CADPS2: variants seen among roughly 807,000 people sequenced by gnomAD.
The protein encoded by CADPS2 is calcium dependent secretion activator 2.
A neutral mutation model predicts 172.5 loss-of-function variants in CADPS2; 93 were observed. The observed-to-expected ratio is 0.54, with a 90% confidence interval of 0.46 to 0.64. The LOEUF is 0.64. Ranked by LOEUF, CADPS2 falls within the 30% of genes least tolerant of loss-of-function variation. The probability of loss-of-function intolerance (pLI) is 0.00; values close to 1 mark genes in which losing one functional copy is unlikely to be tolerated. For missense variants in CADPS2, 1,420 were observed against 1,565.9 expected, an observed-to-expected ratio of 0.91 and a Z score of 1.57; for synonymous variants, 546 against 555.2, an observed-to-expected ratio of 0.98 and a Z score of 0.23.
At chr7:122,410,739 G>A (rs776082518) in intron 19 of CADPS2, among the ~76,000 whole-genome samples, 3 of 152,008 alleles carry the variant, frequency 2.0e-5, no homozygotes, top group Non-Finnish European at 2.9e-5. Context: ...GTTGACTACC[G>A]CAATCAGTAA....
At chr7:122,327,345 C>T (rs1302787025) in intron 28 of CADPS2, among the ~76,000 whole-genome samples, 1 of 152,022 alleles carries the variant, frequency 6.6e-6, no homozygotes, top group African/African-American at 2.4e-5. Context: ...GCCCTTCTAC[C>T]ACACCACACT....
intron 2 of CADPS2, among the ~76,000 whole-genome samples, chr7:122,693,139 C>T (rs961450970): frequency 6.6e-6 from 1 of 152,192 alleles, no homozygotes; most frequent in Admixed American, 6.5e-5. Flanking sequence ...CTTCAAGTTT[C>T]TTAACCAAAA....
At chr7:122,762,013 A>AAAAT (rs1554406243) in intron 1 of CADPS2, among the ~76,000 whole-genome samples, 11 of 98,010 alleles carry the variant, frequency 1.1e-4, no homozygotes, top group African/African-American at 3.8e-4. Context: ...AAAAAAAAAA[A>AAAAT]ATATATATAT....
chr7:122,761,653 A>G (rs2093382600), intron 1 of CADPS2, among the ~76,000 whole-genome samples: 1 of 152,062 alleles, frequency 6.6e-6, no homozygotes, highest in African/African-American at 2.4e-5. Context: ...AAACAAGAAT[A>G]TGAAGCACTA....
At chr7:122,435,387 A>G (rs2050501145) in intron 17 of CADPS2, among the ~76,000 whole-genome samples, 1 of 152,314 alleles carries the variant, frequency 6.6e-6, no homozygotes, top group East Asian at 1.9e-4. Flanking sequence ...ATAAATGGCC[A>G]ACACATAAAT....
intron 7 of CADPS2, among the ~76,000 whole-genome samples, chr7:122,568,054 A>C (rs2066695657): frequency 6.6e-6 from 1 of 152,158 alleles, no homozygotes; most frequent in African/African-American, 2.4e-5. Flanking sequence ...AAGTGTAAAG[A>C]AACAAATAGA....
intron 12 of CADPS2, among the ~76,000 whole-genome samples, chr7:122,477,592 G>T (rs2056854030): frequency 6.8e-6 from 1 of 146,010 alleles, no homozygotes; most frequent in Non-Finnish European, 1.5e-5. Flanking sequence ...AAAGTGAAAT[G>T]TAAGGCAACA....
At position 122,522,882 on chromosome 7, in the gene CADPS2, T is replaced by C. The variant is rs116641208; in HGVS notation, c.1476-9567A>G. On this transcript the variant is annotated intron_variant, in intron 8 of 29. Transcript: ENST00000449022. ...ATATAATAACCTCCAGTTTCACCCA[T>C]GTGGCTGCAAACGACAGGATTTCAT... Among the ~76,000 whole-genome samples, 1,139 of 152,292 alleles carry C rather than the reference T, an allele frequency of 7.5e-3. 16 individuals are homozygous for C. Among genetic ancestry groups the C allele is most frequent in the African/African-American group, 0.026 (1,090 of 41,578 alleles).
At chr7:122,502,733 T>C (rs1265494310) in intron 9 of CADPS2, among the ~76,000 whole-genome samples, 1 of 152,170 alleles carries the variant, frequency 6.6e-6, no homozygotes, top group Admixed American at 6.5e-5. Flanking sequence ...CATATGCGTT[T>C]ATTTCATTAT....
chr7:122,843,250 T>C (rs1434712667), intron 1 of CADPS2, among the ~76,000 whole-genome samples: 1 of 152,136 alleles, frequency 6.6e-6, no homozygotes, highest in Non-Finnish European at 1.5e-5. Context: ...TTTTTTGGCT[T>C]TCCTAATGTA....
At chr7:122,508,014 A>G (rs2059734127) in intron 9 of CADPS2, among the ~76,000 whole-genome samples, 1 of 152,184 alleles carries the variant, frequency 6.6e-6, no homozygotes, top group Non-Finnish European at 1.5e-5. Context: ...TATAACAAAT[A>G]TTTACAGATT....
intron 8 of CADPS2, among the ~76,000 whole-genome samples, chr7:122,542,140 A>G (rs1194092581): frequency 6.6e-6 from 1 of 151,880 alleles, no homozygotes; most frequent in Non-Finnish European, 1.5e-5. Context: ...GAAATTGGTG[A>G]TTGTCATATT....
chr7:122,426,801 T>C (rs929928592), intron 17 of CADPS2, among the ~76,000 whole-genome samples: 3 of 152,218 alleles, frequency 2.0e-5, no homozygotes, highest in Admixed American at 2.0e-4. Context: ...ATTCAGTCTC[T>C]GGAGATTGAC....
At chr7:122,688,094 C>A (rs1019926596) in intron 2 of CADPS2, among the ~76,000 whole-genome samples, 1 of 152,188 alleles carries the variant, frequency 6.6e-6, no homozygotes, top group African/African-American at 2.4e-5. Flanking sequence ...GCGGCCCAAG[C>A]CAGAAAGCAG....
intron 2 of CADPS2, among the ~76,000 whole-genome samples, chr7:122,711,341 G>C (rs2088681905): frequency 6.6e-6 from 1 of 152,016 alleles, no homozygotes; most frequent in South Asian, 2.1e-4. Flanking sequence ...TGAATATATA[G>C]CTATATCTCT....
chr7:122,686,190 C>T (rs1359816161), intron 2 of CADPS2, among the ~76,000 whole-genome samples: 1 of 152,018 alleles, frequency 6.6e-6, no homozygotes, highest in Non-Finnish European at 1.5e-5. Context: ...TTATAAATTG[C>T]AAATTATCTA....
chr7:122,709,196 CA>C, intron 2 of CADPS2, among the ~76,000 whole-genome samples: 1 of 152,056 alleles, frequency 6.6e-6, no homozygotes, highest in Non-Finnish European at 1.5e-5. Context: ...TCCATCATTT[CA>C]AGATTGTCCT....
intron 6 of CADPS2, among the ~76,000 whole-genome samples, chr7:122,600,067 T>C (rs2072515597): frequency 6.6e-6 from 1 of 152,118 alleles, no homozygotes; most frequent in Non-Finnish European, 1.5e-5. Context: ...TTAAAGGAAT[T>C]TGCTGTTTGA....
intron 28 of CADPS2, among the ~76,000 whole-genome samples, chr7:122,333,894 T>C (rs2035423310): frequency 6.7e-6 from 1 of 150,118 alleles, no homozygotes; most frequent in African/African-American, 2.4e-5. Context: ...TAAATTTATA[T>C]ATATATATAT....
Sources: gnomAD v4.1 joint callset for allele counts (sites outside exome capture counted in the v4.1 genomes callset) on GRCh38, gnomAD v4.1.1 for gene constraint, MANE v1.5 for transcripts, NCBI Gene and HGNC (gene_info 2026-07-23, HGNC 2026-07-21) for gene names.